The following SLC5A11 variants were observed in gnomAD, a reference collection of about 807,000 sequenced individuals.
SLC5A11 encodes sodium/myo-inositol cotransporter 2.
Under a neutral mutation model 69.8 loss-of-function variants are expected in SLC5A11, and 48 were observed. That is an observed-to-expected ratio of 0.69 (90% confidence interval 0.55 to 0.87). SLC5A11 has a LOEUF of 0.87. Ranked by LOEUF, SLC5A11 falls within the 40% of genes least tolerant of loss-of-function variation. The pLI is 0.00. For missense variants in SLC5A11, 784 were observed against 866.1 expected (o/e 0.91, Z 1.19); for synonymous variants, 319 against 342.4 (o/e 0.93, Z 0.75).
At chr16:24,872,184 G>A (rs1366479866) in exon 5 of SLC5A11, 1 of 1,614,130 alleles carries the variant, frequency 6.2e-7, no homozygotes, top group South Asian at 1.1e-5. Flanking sequence ...GCTGATGTTG[G>A]CCTGGATCTT....
intron 9 of SLC5A11, among the ~76,000 whole-genome samples, chr16:24,897,313 C>T (rs1432529152): frequency 6.6e-6 from 1 of 151,896 alleles, no homozygotes; most frequent in Non-Finnish European, 1.5e-5. Flanking sequence ...GCCTTGGGGA[C>T]ATGCTTTTCC....
intron 14 of SLC5A11, among the ~76,000 whole-genome samples, chr16:24,910,031 A>C (rs1012052356): frequency 1.3e-5 from 2 of 151,972 alleles, no homozygotes; most frequent in African/African-American, 4.8e-5. Context: ...GGTGAGGGTT[A>C]AGCTCTGGGG....
chr16:24,877,847 G>T (rs1225310478), intron 7 of SLC5A11, among the ~76,000 whole-genome samples: 1 of 152,230 alleles, frequency 6.6e-6, no homozygotes, highest in South Asian at 2.1e-4. Context: ...AGCCAGGCAT[G>T]ATGGCCCGTG....
intron 7 of SLC5A11, among the ~76,000 whole-genome samples, chr16:24,880,717 T>C (rs2047990445): frequency 1.3e-5 from 2 of 152,064 alleles, no homozygotes; most frequent in African/African-American, 4.8e-5. Context: ...ATCATTAAAA[T>C]CACCCCCATA....
chr16:24,891,571 G>A (rs936342474), intron 9 of SLC5A11, among the ~76,000 whole-genome samples: 4 of 151,934 alleles, frequency 2.6e-5, no homozygotes, highest in African/African-American at 7.3e-5. Flanking sequence ...TGATCCTCCC[G>A]CCTCAGCCTC....
intron 8 of SLC5A11, among the ~76,000 whole-genome samples, chr16:24,885,312 G>T (rs1384069351): frequency 6.6e-6 from 1 of 151,948 alleles, no homozygotes; most frequent in African/African-American, 2.4e-5. Context: ...CTCTCCACAG[G>T]TTTCTATCTT....
At chr16:24,881,276 ATTGT>A (rs993473696) in intron 7 of SLC5A11, among the ~76,000 whole-genome samples, 29 of 147,086 alleles carry the variant, frequency 2.0e-4, no homozygotes, top group Admixed American at 4.1e-4. Flanking sequence ...TTTTTGTTTG[ATTGT>A]TTGTTTGTTT....
intron 9 of SLC5A11, among the ~76,000 whole-genome samples, chr16:24,893,386 C>A (rs1276685792): frequency 6.6e-6 from 1 of 151,666 alleles, no homozygotes; most frequent in East Asian, 1.9e-4. Flanking sequence ...CAAAAACAAA[C>A]AAAACGAAAC....
chr16:24,867,600 A>G (rs1309114079), intron 3 of SLC5A11, among the ~76,000 whole-genome samples: 1 of 152,198 alleles, frequency 6.6e-6, no homozygotes, highest in East Asian at 1.9e-4. Flanking sequence ...GAAAACATCA[A>G]CAAAATTGAC....
At chr16:24,910,713 A>C (rs561650124) in intron 15 of SLC5A11, among the ~76,000 whole-genome samples, 1 of 152,142 alleles carries the variant, frequency 6.6e-6, no homozygotes, top group East Asian at 1.9e-4. Context: ...TTGAGTGCCT[A>C]CGGAGACACG....
At chr16:24,895,700 T>G (rs1257506434) in intron 9 of SLC5A11, among the ~76,000 whole-genome samples, 1 of 152,058 alleles carries the variant, frequency 6.6e-6, no homozygotes, top group Non-Finnish European at 1.5e-5. Context: ...CTGTGTCCAG[T>G]GGGCATGAGT....
chr16:24,910,434 C>T (rs755069290), exon 15 of SLC5A11: 57 of 1,614,040 alleles, frequency 3.5e-5, no homozygotes, highest in Non-Finnish European at 3.5e-5. Flanking sequence ...GCAGCAGCGT[C>T]CAGTTCGAGA....
chr16:24,871,232 T>C (rs1305716311), intron 4 of SLC5A11, among the ~76,000 whole-genome samples: 1 of 151,998 alleles, frequency 6.6e-6, no homozygotes, highest in Admixed American at 6.6e-5. Flanking sequence ...GCTTTTTGTG[T>C]GACCTTGGGT....
At chr16:24,858,481 C>G in intron 1 of SLC5A11, 139 bp from the exon 3 acceptor site, 1 of 586,044 alleles carries the variant, frequency 1.7e-6, no homozygotes, top group East Asian at 3.1e-5. Flanking sequence ...ATGGATCTGT[C>G]TTCCCTGAAG....
intron 9 of SLC5A11, among the ~76,000 whole-genome samples, chr16:24,893,490 A>C (rs1370043139): frequency 6.6e-6 from 1 of 151,730 alleles, no homozygotes; most frequent in Non-Finnish European, 1.5e-5. Context: ...TTCCCCCAAG[A>C]CCATCTTCCT....
intron 1 of SLC5A11, among the ~76,000 whole-genome samples, chr16:24,853,700 A>T (rs1188028267): frequency 6.6e-6 from 1 of 152,216 alleles, no homozygotes; most frequent in African/African-American, 2.4e-5. Flanking sequence ...CAGCACAGCT[A>T]TGCCTGAGTT....
intron 3 of SLC5A11, among the ~76,000 whole-genome samples, chr16:24,863,189 A>G (rs1202163796): frequency 1.3e-5 from 2 of 150,668 alleles, no homozygotes; most frequent in Non-Finnish European, 2.9e-5. Context: ...AAAAGCAGGG[A>G]ATCATAAAAA....
At position 24,908,079 on chromosome 16, in the gene SLC5A11, C is replaced by T. The variant is rs552506770; in HGVS notation, c.1382C>T (p.Pro461Leu). 14 of 1,609,452 alleles carry T rather than the reference C, an allele frequency of 8.7e-6. No individual in the cohort carries two copies. The South Asian group carries it at 1.5e-4, about 18-fold the overall frequency. Residue 461 changes from proline to leucine, a missense_variant, in exon 13 of 16, where the codon CCT (proline) becomes CTT (leucine). Physicochemically the swap from Pro to Leu is moderately conservative, Grantham distance 98 (BLOSUM62 -3). Around this residue, in one of 3 missense-constraint regions of SLC5A11, gnomAD observed 550 missense variants for 606.4 expected, o/e 0.91. Coordinates refer to ENST00000347898, the Ensembl canonical transcript of SLC5A11. ...TCCATCAGCTCCTACCTGCAGCCGC[C>T]TGTGGCGGTGGTCTTCATCATGGGA...
intron 7 of SLC5A11, among the ~76,000 whole-genome samples, chr16:24,880,863 C>A (rs1054412148): frequency 3.9e-5 from 6 of 152,284 alleles, no homozygotes; most frequent in African/African-American, 1.2e-4. Flanking sequence ...TTCTCCACAA[C>A]CTCGCCAACG....
Sources: gnomAD v4.1 joint callset for allele counts (sites outside exome capture counted in the v4.1 genomes callset) on GRCh38, gnomAD v4.1.1 for gene constraint, gnomAD v4.1.1 regional missense constraint, MANE v1.5 for transcripts, NCBI Gene and HGNC (gene_info 2026-07-23, HGNC 2026-07-21) for gene names.